ALDH1A2: variants seen among roughly 807,000 people sequenced by gnomAD.
ALDH1A2 encodes the protein retinal dehydrogenase 2.
ALDH1A2 carries 27 observed loss-of-function variants against 60.3 expected under a neutral mutation model. The ratio of observed to expected loss-of-function variants is 0.45; its 90% CI spans 0.33 to 0.62. The LOEUF (loss-of-function observed/expected upper bound fraction) is 0.62. Ranked by LOEUF, ALDH1A2 falls within the 20% of genes least tolerant of loss-of-function variation. ALDH1A2 has a pLI of 0.02. For synonymous variants in ALDH1A2, 289 were observed against 232.4 expected (o/e 1.24, Z -2.21); for missense variants, 581 against 643.8 (o/e 0.90, Z 1.06).
rs570898915 is a variant in ALDH1A2, at chr15:58,057,641, A to C, written c.117+7893T>G. Among the ~76,000 whole-genome samples the C allele has an allele frequency of 4.6e-5, 7 of 152,254 alleles. No homozygotes were observed. The South Asian group carries it at 1.0e-3, about 23-fold the overall frequency. On this transcript the variant is annotated intron_variant, in intron 1 of 12. Coordinates refer to ENST00000249750, the MANE Select transcript of ALDH1A2 (RefSeq NM_003888.4). ...GTGTGCTGTTCTTCTGCTGAGCTGG[A>C]AACATCTCTATCTTCTGAATCCTCA...
At chr15:58,060,528 A>G (rs902509351) in intron 1 of ALDH1A2, among the ~76,000 whole-genome samples, 1 of 123,842 alleles carries the variant, frequency 8.1e-6, no homozygotes, top group Non-Finnish European at 1.5e-5. Flanking sequence ...ATCAGGCACT[A>G]TGTGTCAAAT....
intron 7 of ALDH1A2, among the ~76,000 whole-genome samples, chr15:57,969,032 C>G (rs141036769): frequency 6.6e-6 from 1 of 152,298 alleles, no homozygotes; most frequent in East Asian, 1.9e-4. Flanking sequence ...ATGAATGATA[C>G]CTTTCCCCTT....
chr15:57,981,785 C>G (rs993039748), intron 7 of ALDH1A2, among the ~76,000 whole-genome samples: 5 of 152,150 alleles, frequency 3.3e-5, no homozygotes, highest in Admixed American at 2.0e-4. Flanking sequence ...TTTACTGACA[C>G]TTTACTAAGA....
At chr15:58,003,086 T>TTC (rs1236752912) in intron 4 of ALDH1A2, among the ~76,000 whole-genome samples, 2 of 151,928 alleles carry the variant, frequency 1.3e-5, no homozygotes, top group African/African-American at 4.8e-5. Flanking sequence ...TCTACGACTA[T>TTC]TCCACTACAT....
chr15:58,024,445 C>T (rs1217602808), intron 1 of ALDH1A2, among the ~76,000 whole-genome samples: 1 of 152,038 alleles, frequency 6.6e-6, no homozygotes, highest in Non-Finnish European at 1.5e-5. Context: ...GTATTTATAT[C>T]AGATAAAAAC....
chr15:57,988,901 G>A (rs372878987), intron 7 of ALDH1A2, among the ~76,000 whole-genome samples: 24 of 152,142 alleles, frequency 1.6e-4, no homozygotes, highest in African/African-American at 5.1e-4. Flanking sequence ...GGGCGCAGTG[G>A]CTCACACCTG....
intron 7 of ALDH1A2, among the ~76,000 whole-genome samples, chr15:57,970,255 G>A (rs1894019653): frequency 6.6e-6 from 1 of 152,208 alleles, no homozygotes; most frequent in African/African-American, 2.4e-5. Context: ...AAGTGATAGT[G>A]TTCCTATCAT....
In ALDH1A2 at chr15:58,014,106, G is replaced by A. The variant is rs1193177230; in HGVS notation, c.222+71C>T. 1.1e-5 allele frequency: 18 copies of A among 1,613,820 alleles called. No homozygotes were observed. The Admixed American group carries it at 3.0e-4, about 27-fold the overall frequency. ...ATGAGCATGTAGTGGTGTACTGAGAGCATATGTTTGCTGCTCTGCTGTTTG... is the reference window on the plus strand; with the variant it reads ...ATGAGCATGTAGTGGTGTACTGAGAACATATGTTTGCTGCTCTGCTGTTTG... On this transcript the variant is annotated intron_variant, in intron 2 of 12. Coordinates refer to ENST00000249750, the MANE Select transcript of ALDH1A2 (RefSeq NM_003888.4).
intron 1 of ALDH1A2, among the ~76,000 whole-genome samples, chr15:58,063,847 C>T (rs557731027): frequency 1.3e-5 from 2 of 152,152 alleles, no homozygotes; most frequent in South Asian, 4.2e-4. Flanking sequence ...TAAAAGTTCC[C>T]CGAGCTAAAA....
At chr15:58,047,184 C>T in intron 1 of ALDH1A2, among the ~76,000 whole-genome samples, 1 of 151,924 alleles carries the variant, frequency 6.6e-6, no homozygotes, top group East Asian at 1.9e-4. Context: ...ATTTCCTATC[C>T]TCAGTGAATC....
intron 4 of ALDH1A2, among the ~76,000 whole-genome samples, chr15:58,007,858 C>A (rs555894111): frequency 6.7e-6 from 1 of 149,666 alleles, no homozygotes; most frequent in East Asian, 2.0e-4. Context: ...TATGGAGTTA[C>A]AAAAGACAAA....
intron 7 of ALDH1A2, among the ~76,000 whole-genome samples, chr15:57,966,551 T>C (rs1596068887): frequency 6.6e-6 from 1 of 152,232 alleles, no homozygotes; most frequent in African/African-American, 2.4e-5. Flanking sequence ...GGGAATGCTG[T>C]TGGGAGACAG....
chr15:58,042,876 T>C (rs919860564), intron 1 of ALDH1A2, among the ~76,000 whole-genome samples: 3 of 151,948 alleles, frequency 2.0e-5, no homozygotes, highest in African/African-American at 7.2e-5. Context: ...CCTGAGTGAC[T>C]TGAAGTCTGA....
intron 1 of ALDH1A2, among the ~76,000 whole-genome samples, chr15:58,039,637 G>T (rs1267905130): frequency 6.6e-6 from 1 of 151,786 alleles, no homozygotes; most frequent in Non-Finnish European, 1.5e-5. Context: ...AGTTGCTGAG[G>T]CCATTTCTTT....
intron 7 of ALDH1A2, among the ~76,000 whole-genome samples, chr15:57,985,631 T>C (rs1267646972): frequency 6.6e-6 from 1 of 152,162 alleles, no homozygotes; most frequent in African/African-American, 2.4e-5. Flanking sequence ...AGCTCTGAGA[T>C]TAAGTTTTTA....
intron 7 of ALDH1A2, among the ~76,000 whole-genome samples, chr15:57,969,034 T>C (rs748000945): frequency 1.3e-5 from 2 of 152,212 alleles, no homozygotes; most frequent in Non-Finnish European, 2.9e-5. Flanking sequence ...GAATGATACC[T>C]TTCCCCTTCA....
intron 1 of ALDH1A2, among the ~76,000 whole-genome samples, chr15:58,054,624 A>G (rs567543128): frequency 6.6e-6 from 1 of 152,272 alleles, no homozygotes; most frequent in East Asian, 1.9e-4. Flanking sequence ...TAGCCCAGTT[A>G]CACAAAATGA....
At chr15:58,061,898 C>G (rs1192960300) in intron 1 of ALDH1A2, among the ~76,000 whole-genome samples, 1 of 152,098 alleles carries the variant, frequency 6.6e-6, no homozygotes, top group Admixed American at 6.5e-5. Context: ...TACTGCTGTA[C>G]TAACAACCAA....
chr15:58,045,557 T>A (rs573542731), intron 1 of ALDH1A2, among the ~76,000 whole-genome samples: 1 of 152,072 alleles, frequency 6.6e-6, no homozygotes, highest in African/African-American at 2.4e-5. Context: ...TGGAATACTA[T>A]GCAGCCATAA....
Sources: gnomAD v4.1 joint callset for allele counts (sites outside exome capture counted in the v4.1 genomes callset) on GRCh38, gnomAD v4.1.1 for gene constraint, MANE v1.5 for transcripts, NCBI Gene and HGNC (gene_info 2026-07-23, HGNC 2026-07-21) for gene names.